Variants in LINGO2 observed in about 807,000 individuals in gnomAD.
LINGO2 encodes the protein leucine-rich repeat and immunoglobulin-like domain-containing nogo receptor-interacting protein 2.
LINGO2 carries 14 observed loss-of-function variants against 30.6 expected under a neutral mutation model. That is an observed-to-expected ratio of 0.46 (90% CI 0.30 to 0.72). The LOEUF (loss-of-function observed/expected upper bound fraction) is 0.72, where lower values mean the gene tolerates loss of function less well. LINGO2 is among the 30% of genes least tolerant of loss of function. The probability of loss-of-function intolerance (pLI) is 0.07; values close to 1 mark genes in which losing one functional copy is unlikely to be tolerated. For synonymous variants in LINGO2, 317 were observed against 288.5 expected (o/e 1.10, Z -1.00); for missense variants, 729 against 751.7 (o/e 0.97, Z 0.35).
intron 2 of LINGO2, among the ~76,000 whole-genome samples, chr9:28,437,616 T>A (rs1824006814): frequency 6.6e-6 from 1 of 151,238 alleles, no homozygotes; most frequent in South Asian, 2.1e-4. Context: ...TACAGATCAC[T>A]TCTATCTCTC....
At chr9:28,000,912 T>A (rs977696757) in intron 5 of LINGO2, among the ~76,000 whole-genome samples, 3 of 152,248 alleles carry the variant, frequency 2.0e-5, no homozygotes, top group Non-Finnish European at 4.4e-5. Context: ...CTCCTTATCC[T>A]GACATGCCAG....
the LINGO2 span, among the ~76,000 whole-genome samples, chr9:29,095,177 A>C: frequency 7.2e-6 from 1 of 138,418 alleles, no homozygotes; most frequent in African/African-American, 2.7e-5. Flanking sequence ...GTAGTCCAAA[A>C]CCTATTCTAT....
exon 6 of LINGO2, chr9:27,948,876 C>T: frequency 6.2e-7 from 1 of 1,611,928 alleles, no homozygotes; most frequent in Non-Finnish European, 8.5e-7. Flanking sequence ...GTTGAACCTC[C>T]TGGGTCCAGC....
the LINGO2 span, among the ~76,000 whole-genome samples, chr9:29,052,348 T>G: frequency 4.6e-5 from 7 of 152,196 alleles, no homozygotes; most frequent in African/African-American, 1.7e-4. Flanking sequence ...TCATTGCTGC[T>G]ATAGAACTGT....
chr9:28,386,136 A>C (rs1302135767), intron 2 of LINGO2, among the ~76,000 whole-genome samples: 1 of 152,134 alleles, frequency 6.6e-6, no homozygotes, highest in Admixed American at 6.6e-5. Flanking sequence ...TGTTCCAAAG[A>C]TTTCAGAAGG....
the LINGO2 span, among the ~76,000 whole-genome samples, chr9:29,177,684 T>C: frequency 2.0e-5 from 3 of 152,186 alleles, no homozygotes; most frequent in Non-Finnish European, 4.4e-5. Flanking sequence ...TTGATTCTTC[T>C]TTCCCAAAAC....
chr9:28,080,045 A>G (rs1241961910), intron 4 of LINGO2, among the ~76,000 whole-genome samples: 1 of 152,144 alleles, frequency 6.6e-6, no homozygotes, highest in African/African-American at 2.4e-5. Flanking sequence ...CTTGATAACA[A>G]CCCAGTCTGT....
the LINGO2 span, among the ~76,000 whole-genome samples, chr9:29,170,309 G>A: frequency 6.6e-6 from 1 of 152,010 alleles, no homozygotes; most frequent in Non-Finnish European, 1.5e-5. Flanking sequence ...CAACACGAAT[G>A]GAACCAGAGG....
At chr9:29,213,056 G>C in the LINGO2 span, among the ~76,000 whole-genome samples, 1 of 152,110 alleles carries the variant, frequency 6.6e-6, no homozygotes, top group Admixed American at 6.5e-5. Context: ...GGATCAGGAG[G>C]GGATGGCGGT....
intron 1 of LINGO2, among the ~76,000 whole-genome samples, chr9:28,565,136 T>C (rs921982579): frequency 2.6e-5 from 4 of 152,178 alleles, no homozygotes; most frequent in African/African-American, 9.6e-5. Context: ...TGAAATTTTT[T>C]TGAGTTTAAT....
chr9:29,116,821 C>A, the LINGO2 span, among the ~76,000 whole-genome samples: 8 of 152,116 alleles, frequency 5.3e-5, no homozygotes, highest in African/African-American at 1.9e-4. Context: ...ATTGCTTAAA[C>A]TGATTTACTT....
the LINGO2 span, among the ~76,000 whole-genome samples, chr9:28,765,489 A>G: frequency 2.0e-5 from 3 of 152,026 alleles, no homozygotes; most frequent in Non-Finnish European, 2.9e-5. Flanking sequence ...TCAGGAGGAG[A>G]GTCCTCATGA....
intron 1 of LINGO2, among the ~76,000 whole-genome samples, chr9:28,626,192 T>C (rs1192998336): frequency 1.3e-5 from 2 of 152,166 alleles, no homozygotes; most frequent in Non-Finnish European, 2.9e-5. Context: ...TACCTTTTCA[T>C]GTGCTTGTTA....
chr9:28,998,821 A>G, the LINGO2 span, among the ~76,000 whole-genome samples: 1 of 152,236 alleles, frequency 6.6e-6, no homozygotes, highest in East Asian at 1.9e-4. Flanking sequence ...AAGGCCAACT[A>G]CATTCACACT....
intron 4 of LINGO2, chr9:28,149,011 G>C: frequency 1.3e-6 from 2 of 1,534,406 alleles, no homozygotes; most frequent in South Asian, 1.2e-5. Flanking sequence ...CCCTGCAACT[G>C]AGGTGGGATA....
the LINGO2 span, among the ~76,000 whole-genome samples, chr9:28,879,429 A>C: frequency 6.6e-6 from 1 of 152,284 alleles, no homozygotes; most frequent in Non-Finnish European, 1.5e-5. Context: ...ATAATAAGAA[A>C]CCTTCCCAAA....
chr9:28,945,047 G>A, the LINGO2 span, among the ~76,000 whole-genome samples: 2 of 152,106 alleles, frequency 1.3e-5, no homozygotes, highest in Admixed American at 6.6e-5. Flanking sequence ...TATACTGGTG[G>A]CTGTCATAAA....
intron 5 of LINGO2, among the ~76,000 whole-genome samples, chr9:27,975,901 G>C (rs967327778): frequency 1.3e-5 from 2 of 151,950 alleles, no homozygotes; most frequent in Non-Finnish European, 2.9e-5. Context: ...TTTGATAGTT[G>C]CATAGTAAAG....
intron 4 of LINGO2, among the ~76,000 whole-genome samples, chr9:28,164,819 C>T (rs1310236748): frequency 2.0e-5 from 3 of 152,172 alleles, no homozygotes; most frequent in Non-Finnish European, 4.4e-5. Context: ...CCTTAGCCCC[C>T]TTGCACTTTC....
Sources: allele counts gnomAD v4.1 joint callset (sites outside exome capture counted in the v4.1 genomes callset), GRCh38; gene constraint gnomAD v4.1.1; transcripts MANE v1.5; gene names NCBI Gene and HGNC (gene_info 2026-07-23, HGNC 2026-07-21).